Variants in ADAMDEC1 observed in about 807,000 individuals in gnomAD.
ADAMDEC1 encodes the protein ADAM like decysin 1, also known as ADAM DEC1.
A neutral mutation model predicts 60.4 loss-of-function variants in ADAMDEC1; 62 were observed. The observed-to-expected ratio is 1.03, with a 90% CI of 0.84 to 1.27. The LOEUF is 1.27. Ranked by LOEUF, ADAMDEC1 falls within the 50% of genes most tolerant of loss-of-function variation. ADAMDEC1 has a pLI of 0.00. For synonymous variants in ADAMDEC1, 210 were observed against 195.1 expected (o/e 1.08, Z -0.64); for missense variants, 595 against 565.0 (o/e 1.05, Z -0.54).
intron 12 of ADAMDEC1, among the ~76,000 whole-genome samples, chr8:24,403,287 GTATTGTT>G (rs1306222299): frequency 6.6e-6 from 1 of 151,870 alleles, no homozygotes; most frequent in African/African-American, 2.4e-5. Flanking sequence ...ACTTCATACA[GTATTGTT>G]TATTGAGTAA....
Position 24,384,397 on chromosome 8 carries a change from G to C in ADAMDEC1, c.-108G>C. On this transcript the variant is annotated 5_prime_UTR_variant, in exon 1 of 14. Coordinates refer to ENST00000256412, the MANE Select transcript of ADAMDEC1 (RefSeq NM_014479.3). The stretch of plus-strand genomic sequence containing the variant: ...TTTGACAATTTCCCAACACTCTTAA[G>C]AAACATTCCCCAATCTCACACGAAA... The C allele has an allele frequency of 1.1e-6, 1 of 880,748 alleles. No individual in the cohort carries two copies. The highest frequency in any genetic ancestry group is 3.1e-5 in the Admixed American group (1 of 32,384). The allele number at this position is 880,748 out of a possible 1,614,324, so 54.6% of individuals were successfully genotyped here.
At chr8:24,387,053 G>A (rs569861867) in intron 1 of ADAMDEC1, 1 of 152,364 alleles carries the variant, frequency 6.6e-6, no homozygotes, top group South Asian at 2.1e-4. Flanking sequence ...TATGGAAGTT[G>A]TCTGCTATGG....
In ADAMDEC1 at chr8:24,397,432, C is replaced by T; in HGVS notation, c.603C>T (p.Ile201=). ...STDGKQGPIR[I]SRSLKSPEKE... ...ACGGGAAACAAGGCCCAATTCGAAT[C>T]TCTAGATCACTCAAAAGCCCAGAGG... Residue 201 remains isoleucine (I), a synonymous_variant, in exon 6 of 14, where the codon ATC becomes ATT. Coordinates refer to ENST00000256412, the MANE Select transcript of ADAMDEC1 (RefSeq NM_014479.3). The T allele has an allele frequency of 1.2e-6, 2 of 1,613,658 alleles. No individual in the cohort carries two copies. The highest frequency in any genetic ancestry group is 1.7e-6 in the Non-Finnish European group (2 of 1,179,734).
chr8:24,391,501 C>T (rs1322491133), intron 1 of ADAMDEC1, among the ~76,000 whole-genome samples: 1 of 152,076 alleles, frequency 6.6e-6, no homozygotes. Flanking sequence ...TCTTTTGGCT[C>T]CAAGATAATT....
chr8:24,386,948 T>C (rs935987741), intron 1 of ADAMDEC1, among the ~76,000 whole-genome samples: 2 of 152,116 alleles, frequency 1.3e-5, no homozygotes, highest in Non-Finnish European at 2.9e-5. Flanking sequence ...GGTTGGCTTG[T>C]TGTTCCCACA....
intron 11 of ADAMDEC1, among the ~76,000 whole-genome samples, 181 bp from the exon 12 acceptor site, chr8:24,401,734 C>G (rs943761883): frequency 6.6e-6 from 1 of 152,186 alleles, no homozygotes; most frequent in African/African-American, 2.4e-5. Flanking sequence ...TATGCATGCT[C>G]TACCACCCAC....
chr8:24,392,267 G>C lies in ADAMDEC1; in HGVS notation c.94G>C (p.Ala32Pro). The change falls in exon 2 of 14, where the codon GCC becomes CCC. Residue 32 changes from alanine to proline, a missense_variant. Coordinates refer to ENST00000256412, the MANE Select transcript of ADAMDEC1 (RefSeq NM_014479.3). ...TATTATTTCTCTTTCTCTAGCAATA[G>C]CCATAAAGCAAACACCTGAATTAAC... ...LWLIVQTQAI[A>P]IKQTPELTLH... The C allele has an allele frequency of 6.2e-7, 1 of 1,600,974 alleles. No homozygotes were observed. The highest frequency in any genetic ancestry group is 1.3e-5 in the African/African-American group (1 of 74,350).
At chr8:24,397,558 G>A (rs1817647978) in intron 6 of ADAMDEC1, 102 bp downstream of exon 6, 1 of 1,478,694 alleles carries the variant, frequency 6.8e-7, no homozygotes, top group East Asian at 2.3e-5. Context: ...TATGTGTCAA[G>A]CCTATAATTT....
chr8:24,396,470 C>A (rs1379146376), intron 5 of ADAMDEC1, among the ~76,000 whole-genome samples: 1 of 152,128 alleles, frequency 6.6e-6, no homozygotes, highest in East Asian at 1.9e-4. Context: ...CAAGATAGCT[C>A]CACTGCACTC....
intron 4 of ADAMDEC1, 59 bp from the exon 5 acceptor site, chr8:24,395,661 C>CACTCACAT: frequency 9.0e-7 from 1 of 1,115,954 alleles, no homozygotes; most frequent in Non-Finnish European, 1.3e-6. Context: ...ATTACACACA[C>CACTCACAT]ACTCACATAC....
intron 7 of ADAMDEC1, among the ~76,000 whole-genome samples, chr8:24,398,025 G>A (rs527476517): frequency 6.6e-6 from 1 of 150,740 alleles, no homozygotes; most frequent in African/African-American, 2.4e-5. Context: ...TTAAAATATT[G>A]CAATACTTTA....
At chr8:24,384,892 G>C (rs766091788) in intron 1 of ADAMDEC1, among the ~76,000 whole-genome samples, 4 of 151,470 alleles carry the variant, frequency 2.6e-5, no homozygotes, top group Non-Finnish European at 4.4e-5. Flanking sequence ...CCAAAATAGA[G>C]GAAAAAAAAG....
chr8:24,398,011 A>G (rs1240131918), intron 7 of ADAMDEC1, among the ~76,000 whole-genome samples: 1 of 151,618 alleles, frequency 6.6e-6, no homozygotes, highest in Non-Finnish European at 1.5e-5. Context: ...AAAGGAACGC[A>G]TTATTAAAAT....
At position 24,393,307 on chromosome 8, in the gene ADAMDEC1, G is replaced by T. The variant is rs751576237; in HGVS notation, c.253G>T (p.Glu85Ter). The change falls in exon 3 of 14, where the codon GAA becomes TAA. Residue 85 changes from glutamate (E) to a stop codon, truncating the protein, a stop_gained. Coordinates refer to ENST00000256412, the MANE Select transcript of ADAMDEC1 (RefSeq NM_014479.3). LOFTEE classifies it high-confidence loss of function. ...TCAATATCAGATGATCTTAAATGGA[G>T]AAGAAATCATTCTCTCCCTACAAAA... ...EVQYQMILNG[E>*]EIILSLQKTK... 1 of 1,605,746 alleles carries T rather than the reference G, an allele frequency of 6.2e-7. No homozygotes were observed. The highest frequency in any genetic ancestry group is 1.1e-5 in the South Asian group (1 of 89,820).
intron 12 of ADAMDEC1, among the ~76,000 whole-genome samples, chr8:24,403,270 T>C (rs1318693588): frequency 1.3e-5 from 2 of 152,148 alleles, no homozygotes; most frequent in African/African-American, 2.4e-5. Context: ...CAAAAAGTAG[T>C]ATGTATACTT....
rs547694301 is a variant in ADAMDEC1, at chr8:24,399,494, G to C, written c.1011+20G>C. ...ATTGAGGTTTGTAAATTTGTAGTAA[G>C]GCTCTCTGTGGTTCTGTATCCTCTA... On this transcript the variant is annotated intron_variant, in intron 10 of 13. Transcript: ENST00000256412. 17 of 1,588,646 alleles carry C rather than the reference G, an allele frequency of 1.1e-5. No homozygotes were observed. The South Asian group carries it at 1.9e-4, about 18-fold the overall frequency.
chr8:24,385,773 T>C lies in ADAMDEC1; in HGVS notation c.88+1181T>C, dbSNP rs527412864. On this transcript the variant is annotated intron_variant, in intron 1 of 13. Transcript: ENST00000256412. ...AAAATAGAATGAGGGCTAAATCATA[T>C]ATAACTGCATTATTAAACAAAAATC... 1.0e-3 allele frequency among the ~76,000 whole-genome samples: 152 copies of C among 152,292 alleles called. 1 individual carries two copies. Among genetic ancestry groups the C allele is most frequent in the Non-Finnish European group, 1.3e-3 (91 of 68,002 alleles).
At position 24,405,980 on chromosome 8, in the gene ADAMDEC1, A is replaced by T. The variant is rs929173436; in HGVS notation, c.*682A>T. On this transcript the variant is annotated 3_prime_UTR_variant, in exon 14 of 14. Transcript: ENST00000256412. ...CAAAGAAGGCTTAATGATTTATTGAACCATAATGTCAATAAAAACACAACT... is the reference window on the plus strand; with the variant it reads ...CAAAGAAGGCTTAATGATTTATTGATCCATAATGTCAATAAAAACACAACT... 6 of 152,286 alleles carry T rather than the reference A, an allele frequency of 3.9e-5. No homozygotes were observed. Among genetic ancestry groups the T allele is most frequent in the African/African-American group, 1.4e-4 (6 of 41,576 alleles). 9.4% of individuals were successfully genotyped at this position (152,286 alleles called of 1,614,324 possible).
chr8:24,390,418 T>G (rs1817412795), intron 1 of ADAMDEC1, among the ~76,000 whole-genome samples: 1 of 152,190 alleles, frequency 6.6e-6, no homozygotes, highest in Admixed American at 6.5e-5. Flanking sequence ...ATCATTTTGA[T>G]AGTCATTAAA....
Sources: gnomAD v4.1 joint callset for allele counts (sites outside exome capture counted in the v4.1 genomes callset) on GRCh38, gnomAD v4.1.1 for gene constraint, MANE v1.5 for transcripts, NCBI Gene and HGNC (gene_info 2026-07-23, HGNC 2026-07-21) for gene names.